Variants in EXOC1 observed in about 807,000 individuals in gnomAD.
The protein encoded by EXOC1 is exocyst complex component 1, also known as SEC3-like 1.
In EXOC1, 67 loss-of-function variants were observed where a neutral mutation model predicts 107.7. That is an observed-to-expected ratio of 0.62 (90% CI 0.51 to 0.76). The LOEUF is 0.76. Among genes scored for constraint, EXOC1 ranks in the 30% least tolerant of loss-of-function variants. EXOC1 has a pLI of 0.00. For missense variants in EXOC1, 833 were observed against 1,055.7 expected (o/e 0.79, Z 2.92); for synonymous variants, 348 against 353.5 (o/e 0.98, Z 0.17).
At chr4:55,854,980 G>A (rs1720827220) in intron 1 of EXOC1, among the ~76,000 whole-genome samples, 1 of 152,160 alleles carries the variant, frequency 6.6e-6, no homozygotes, top group African/African-American at 2.4e-5. Flanking sequence ...AGATCACTTT[G>A]GATTAAGATC....
At chr4:55,895,766 G>A (rs1035264307) in intron 15 of EXOC1, among the ~76,000 whole-genome samples, 3 of 152,044 alleles carry the variant, frequency 2.0e-5, no homozygotes, top group East Asian at 1.9e-4. Context: ...CATTTCTTTC[G>A]CATTTTGTCA....
At chr4:55,897,655 G>A (rs150799027) in intron 16 of EXOC1, among the ~76,000 whole-genome samples, 7 of 152,212 alleles carry the variant, frequency 4.6e-5, no homozygotes, top group African/African-American at 1.7e-4. Context: ...ACCAATTGTT[G>A]CCCAGGTTGG....
At chr4:55,903,364 C>G (rs1726221646) in intron 18 of EXOC1, among the ~76,000 whole-genome samples, 2 of 152,090 alleles carry the variant, frequency 1.3e-5, no homozygotes, top group South Asian at 4.2e-4. Flanking sequence ...TGGAAGACTT[C>G]CTGAGGGATA....
chr4:55,887,887 T>G (rs1461222664), intron 10 of EXOC1, among the ~76,000 whole-genome samples: 6 of 152,146 alleles, frequency 3.9e-5, no homozygotes, highest in Non-Finnish European at 7.4e-5. Context: ...CCAGCCTTGT[T>G]TTTTCATATT....
intron 3 of EXOC1, among the ~76,000 whole-genome samples, chr4:55,862,106 A>T (rs752129418): frequency 5.3e-5 from 8 of 152,162 alleles, no homozygotes; most frequent in Non-Finnish European, 1.2e-4. Context: ...TACCATGGGG[A>T]GGGATCAAGA....
rs1319739119 is a variant in EXOC1 at position 55,877,936 on chromosome 4, C to G, written c.1094C>G (p.Thr365Ser). ...CTTTAGGGTCATGATCAGAGTTCGACTCTTGCCCAACACTCTGTTGAACTG... is the reference window on the plus strand; with the variant it reads ...CTTTAGGGTCATGATCAGAGTTCGAGTCTTGCCCAACACTCTGTTGAACTG... Reference protein sequence around the residue: ...FVQQGHDQSSTLAQHSVELTL... With the variant: ...FVQQGHDQSSSLAQHSVELTL... The change falls in exon 9 of 19, where the codon ACT becomes AGT. Residue 365 changes from threonine (T) to serine (S), a missense_variant. Around this residue, in one of 2 missense-constraint regions of EXOC1, gnomAD observed 617 missense variants for 701.3 expected, o/e 0.88. Transcript: ENST00000381295. 5 of 1,613,788 alleles carry G rather than the reference C, an allele frequency of 3.1e-6. No individual in the cohort carries two copies. The highest frequency in any genetic ancestry group is 3.4e-6 in the Non-Finnish European group (4 of 1,179,854).
chr4:55,903,164 A>T (rs1356813763), intron 18 of EXOC1, among the ~76,000 whole-genome samples: 2 of 84,994 alleles, frequency 2.4e-5, no homozygotes, highest in Non-Finnish European at 5.6e-5. Flanking sequence ...AAAAAAAAAA[A>T]GAAAGAAAGA....
intron 5 of EXOC1, 50 bp from the exon 6 acceptor site, chr4:55,870,628 T>TTTTG (rs34281712): frequency 0.3 from 390,598 of 1,316,668 alleles, 62,581 homozygotes; most frequent in African/African-American, 0.49. Context: ...CAAGTATGTT[T>TTTTG]TTTGTTTGTT....
At chr4:55,863,746 C>CAGG (rs1721696510) in intron 3 of EXOC1, among the ~76,000 whole-genome samples, 1 of 152,122 alleles carries the variant, frequency 6.6e-6, no homozygotes, top group Admixed American at 6.5e-5. Context: ...GAAAGTACAC[C>CAGG]AGGATATACA....
At position 55,893,842 on chromosome 4, in the gene EXOC1, G is replaced by A. The variant is rs1194859747; in HGVS notation, c.1953+62G>A. The A allele has an allele frequency of 1.2e-5, 16 of 1,322,088 alleles. No individual in the cohort carries two copies. In the South Asian group the frequency reaches 1.5e-4, roughly 12 times the overall value. The allele number at this position is 1,322,088 out of a possible 1,614,324, so 81.9% of individuals were successfully genotyped here. A position where few individuals can be genotyped will look rare whatever the true frequency, so the allele number is the denominator to read the frequency against. On this transcript the variant is annotated intron_variant, in intron 15 of 18. Coordinates refer to ENST00000381295, the MANE Select transcript of EXOC1 (RefSeq NM_001024924.2). ...TAGTCATTGCAAAATATAGGTAAAT[G>A]TATTTAAAATCGAGGGATTTCCAGC... is the stretch of plus-strand genomic sequence containing the variant.
rs778980807 is a variant in EXOC1, at chr4:55,904,417, T to C, written c.2607T>C (p.Tyr869=). ...TTGAAGGTTTGATAGCTCGCTGTTA[T>C]CCTGGATCTGGTGTTACAATGGAAT... ...KHFEGLIARC[Y]PGSGVTMEFT... The change falls in exon 19 of 19, where the codon TAT becomes TAC. Residue 869 remains tyrosine (Y), a synonymous_variant. Coordinates refer to ENST00000381295, the MANE Select transcript of EXOC1 (RefSeq NM_001024924.2). The C allele has an allele frequency of 1.9e-6, 3 of 1,613,218 alleles. No individual in the cohort carries two copies. Among genetic ancestry groups the C allele is most frequent in the African/African-American group, 1.3e-5 (1 of 74,752 alleles).
intron 17 of EXOC1, 182 bp from the exon 18 acceptor site, chr4:55,902,162 C>T: frequency 2.5e-6 from 1 of 402,018 alleles, no homozygotes; most frequent in Non-Finnish European, 4.4e-6. Flanking sequence ...TTACAAGGAA[C>T]TCTACAATAT....
Position 55,864,308 on chromosome 4 carries a change from T to G in EXOC1, c.337T>G (p.Ser113Ala). ...SSTAEKNAFI[S>A]CIWKLNQRYL... ...CACTGCTGAAAAGAATGCATTTATT[T>G]CATGCATTTGGAAATTGAATCAGCG... Residue 113 changes from serine to alanine, a missense_variant, in exon 4 of 19, where the codon TCA becomes GCA. Around this residue, in one of 2 missense-constraint regions of EXOC1, gnomAD observed 617 missense variants for 701.3 expected, o/e 0.88. Transcript: ENST00000381295. 3.1e-6 allele frequency: 5 copies of G among 1,609,658 alleles called. No homozygotes were observed. Among genetic ancestry groups the G allele is most frequent in the Non-Finnish European group, 4.2e-6 (5 of 1,177,356 alleles).
intron 17 of EXOC1, among the ~76,000 whole-genome samples, chr4:55,901,477 T>C (rs549984917): frequency 6.6e-6 from 1 of 152,068 alleles, no homozygotes; most frequent in South Asian, 2.1e-4. Flanking sequence ...AAAGTATATA[T>C]ATAAAAGAAG....
Position 55,857,168 on chromosome 4 carries a change from C to CTTTTTTTTTT in EXOC1, c.-10-1128_-10-1119dup, listed in dbSNP as rs71192052. 1.0e-3 allele frequency among the ~76,000 whole-genome samples: 67 copies of CTTTTTTTTTT among 65,774 alleles called. 1 individual carries two copies. Among genetic ancestry groups the CTTTTTTTTTT allele is most frequent in the African/African-American group, 2.3e-3 (36 of 15,704 alleles). The allele number at this position is 65,774 out of a possible 152,430, so 43.2% of individuals were successfully genotyped here. A position where few individuals can be genotyped will look rare whatever the true frequency, so the allele number is the denominator to read the frequency against. ...TTTCATTACTTCATTTCCTTTTTTT[C>CTTTTTTTTTT]TTTTTTTTTTTTTTTTTTTTTTTTT... On this transcript the variant is annotated intron_variant, in intron 1 of 18. Coordinates refer to ENST00000381295, the MANE Select transcript of EXOC1 (RefSeq NM_001024924.2).
intron 4 of EXOC1, 77 bp downstream of exon 4, chr4:55,864,463 A>C: frequency 8.2e-7 from 1 of 1,223,040 alleles, no homozygotes; most frequent in Non-Finnish European, 1.1e-6. Flanking sequence ...CATTCAAATT[A>C]ATTAGAATAC....
rs1721756517 is a variant in EXOC1 at position 55,864,288 on chromosome 4, C to T, written c.317C>T (p.Ala106Val). The part of the protein sequence containing the change: ...KIYKWVASST[A>V]EKNAFISCIW... ...TATAAATGGGTTGCCAGCAGCACTG[C>T]TGAAAAGAATGCATTTATTTCATGC... The change falls in exon 4 of 19, where the codon GCT (alanine) becomes GTT (valine). Residue 106 changes from alanine (A) to valine (V), a missense_variant. Coordinates refer to ENST00000381295, the MANE Select transcript of EXOC1 (RefSeq NM_001024924.2). The T allele has an allele frequency of 1.2e-6, 2 of 1,609,014 alleles. No homozygotes were observed. Among genetic ancestry groups the T allele is most frequent in the Non-Finnish European group, 1.7e-6 (2 of 1,177,480 alleles).
intron 8 of EXOC1, 54 bp from the exon 9 acceptor site, chr4:55,877,863 T>C: frequency 6.3e-7 from 1 of 1,598,944 alleles, no homozygotes. Context: ...CTTTTTATTG[T>C]AACGTTTCTT....
In EXOC1 at chr4:55,902,469, A is replaced by T. The variant is rs1198613636; in HGVS notation, c.2463A>T (p.Val821=). 6.4e-6 allele frequency: 10 copies of T among 1,571,838 alleles called. No homozygotes were observed. The highest frequency in any genetic ancestry group is 8.6e-6 in the Non-Finnish European group (10 of 1,162,716). Residue 821 remains valine (V), a synonymous_variant, in exon 18 of 19, where the codon GTA becomes GTT. Coordinates refer to ENST00000381295, the MANE Select transcript of EXOC1 (RefSeq NM_001024924.2). ...TTAAGGAGTACCCTGGAAAGGAAGTAAAAAAAGGTCTAGATAACCTCTACA... is the reference window on the plus strand; with the variant it reads ...TTAAGGAGTACCCTGGAAAGGAAGTTAAAAAAGGTCTAGATAACCTCTACA... ...KVIKEYPGKE[V]KKGLDNLYKK...
Sources: allele counts gnomAD v4.1 joint callset (sites outside exome capture counted in the v4.1 genomes callset), GRCh38; gene constraint gnomAD v4.1.1; regional missense constraint gnomAD v4.1.1; transcripts MANE v1.5; gene names NCBI Gene and HGNC (gene_info 2026-07-23, HGNC 2026-07-21).